KIF5C: variants seen among roughly 807,000 people sequenced by gnomAD.
KIF5C encodes kinesin family member 5C.
KIF5C carries 18 observed loss-of-function variants against 125.2 expected under a neutral mutation model. The observed-to-expected ratio is 0.14, with a 90% CI of 0.10 to 0.21. KIF5C has a LOEUF of 0.21. KIF5C is among the 10% of genes least tolerant of loss of function. The pLI is 1.00. For missense variants in KIF5C, 780 were observed against 1,183.8 expected (o/e 0.66, Z 5.01); for synonymous variants, 405 against 434.0 (o/e 0.93, Z 0.83).
intron 7 of KIF5C, 130 bp downstream of exon 7, chr2:148,942,890 A>G: frequency 6.8e-7 from 1 of 1,479,260 alleles, no homozygotes; most frequent in Non-Finnish European, 9.2e-7. Context: ...CAGTGCTCGG[A>G]CACAGACGCC....
chr2:148,961,917 GT>G, intron 10 of KIF5C, 53 bp from the exon 11 acceptor site: 1 of 1,571,890 alleles, frequency 6.4e-7, no homozygotes, highest in Non-Finnish European at 8.6e-7. Flanking sequence ...AATCATATTG[GT>G]TTAGCTAATG....
intron 1 of KIF5C, chr2:148,884,483 C>A (rs1474149108): frequency 6.6e-6 from 1 of 151,972 alleles, no homozygotes; most frequent in Non-Finnish European, 1.5e-5. Flanking sequence ...AAACATACAC[C>A]AAAGTAGAAA....
intron 11 of KIF5C, among the ~76,000 whole-genome samples, chr2:148,963,994 C>T (rs974097415): frequency 2.0e-5 from 3 of 152,096 alleles, no homozygotes; most frequent in East Asian, 3.9e-4. Flanking sequence ...GAACACCTTG[C>T]GAATCTCCTT....
intron 11 of KIF5C, among the ~76,000 whole-genome samples, chr2:148,968,342 A>G (rs536451703): frequency 6.6e-6 from 1 of 152,344 alleles, no homozygotes; most frequent in East Asian, 1.9e-4. Flanking sequence ...TGGTTCAGTA[A>G]CTAGCTAAAT....
chr2:148,926,965 T>G (rs2105088892), intron 2 of KIF5C, among the ~76,000 whole-genome samples: 1 of 152,218 alleles, frequency 6.6e-6, no homozygotes, highest in African/African-American at 2.4e-5. Flanking sequence ...CTGGTGGGGT[T>G]TTATGTGTTC....
rs1197492797 is a variant in KIF5C at position 148,876,643 on chromosome 2, C to T, written c.126+900C>T. Among the ~76,000 whole-genome samples, 1 of 152,144 alleles carries T rather than the reference C, an allele frequency of 6.6e-6. No homozygotes were observed. The highest frequency in any genetic ancestry group is 6.5e-5 in the Admixed American group (1 of 15,288). ...ACCCCCTCCCCCTACTTAGCTCCCT[C>T]TCTGCAGCTGGGGCTGCTGGTAGGG... On this transcript the variant is annotated intron_variant, in intron 1 of 25. Coordinates refer to ENST00000435030, the MANE Select transcript of KIF5C (RefSeq NM_004522.3). The surrounding 1 kb of genome is among the most constrained non-coding windows in gnomAD (Gnocchi z 4.7).
intron 1 of KIF5C, among the ~76,000 whole-genome samples, chr2:148,891,712 T>A (rs1681711795): frequency 6.6e-6 from 1 of 152,216 alleles, no homozygotes. Flanking sequence ...TTTTTGTTTT[T>A]TTGAGACAGA....
At position 148,981,463 on chromosome 2, in the gene KIF5C, C is replaced by T. The variant is rs1681233630; in HGVS notation, c.1471C>T (p.Leu491=). Residue 491 remains leucine, a synonymous_variant, in exon 14 of 26, where the codon CTG becomes TTG. Coordinates refer to ENST00000435030, the MANE Select transcript of KIF5C (RefSeq NM_004522.3). ...TGAGGTGAAAGAAGTTCTCCAGGCC[C>T]TGGAGGAGCTGGCTGTCAATTATGA... is the stretch of plus-strand genomic sequence containing the variant. ...KDEVKEVLQA[L]EELAVNYDQK... 1 of 1,608,232 alleles carries T rather than the reference C, an allele frequency of 6.2e-7. No homozygotes were observed. The highest frequency in any genetic ancestry group is 1.7e-5 in the Admixed American group (1 of 59,254).
chr2:148,974,003 G>T (rs149843206), intron 12 of KIF5C, among the ~76,000 whole-genome samples: 1 of 152,326 alleles, frequency 6.6e-6, no homozygotes, highest in Non-Finnish European at 1.5e-5. Context: ...CACCTAATTG[G>T]TGAAGCTCTT....
intron 13 of KIF5C, among the ~76,000 whole-genome samples, chr2:148,980,528 T>TAAA (rs760830671): frequency 6.6e-6 from 1 of 151,490 alleles, no homozygotes; most frequent in Non-Finnish European, 1.5e-5. Flanking sequence ...TGATGGATGT[T>TAAA]AAAAAAAAGG....
At chr2:149,006,562 G>T (rs1279183705) in intron 22 of KIF5C, among the ~76,000 whole-genome samples, 1 of 152,226 alleles carries the variant, frequency 6.6e-6, no homozygotes, top group East Asian at 1.9e-4. Flanking sequence ...TGCTATGGAA[G>T]AGTAGAAGGA....
At chr2:148,883,311 C>A (rs1373108375) in intron 1 of KIF5C, among the ~76,000 whole-genome samples, 1 of 152,090 alleles carries the variant, frequency 6.6e-6, no homozygotes, top group Non-Finnish European at 1.5e-5. Flanking sequence ...ACCATCCTGG[C>A]TAACATGGTG....
chr2:148,905,083 T>C (rs1490612125), intron 1 of KIF5C, among the ~76,000 whole-genome samples: 1 of 152,238 alleles, frequency 6.6e-6, no homozygotes, highest in Non-Finnish European at 1.5e-5. Context: ...GTTTTCATTG[T>C]ATCTCTTTTT....
At chr2:149,004,393 A>C (rs1681943085) in intron 21 of KIF5C, among the ~76,000 whole-genome samples, 1 of 152,200 alleles carries the variant, frequency 6.6e-6, no homozygotes, top group Non-Finnish European at 1.5e-5. Context: ...TCTATAGGAA[A>C]ATATTTTGCA....
intron 16 of KIF5C, among the ~76,000 whole-genome samples, chr2:148,993,917 G>A (rs1681596353): frequency 6.6e-6 from 1 of 152,158 alleles, no homozygotes; most frequent in Admixed American, 6.5e-5. Flanking sequence ...TGTGTGGCAT[G>A]TGGTGGGGTG....
At chr2:148,903,669 T>C (rs1466020454) in intron 1 of KIF5C, among the ~76,000 whole-genome samples, 5 of 152,158 alleles carry the variant, frequency 3.3e-5, no homozygotes, top group Admixed American at 1.3e-4. Flanking sequence ...CCTCACAGAA[T>C]CTTATGAGAG....
Position 149,000,474 on chromosome 2 carries a change from C to G in KIF5C, c.2262C>G (p.Asn754Lys). The change falls in exon 20 of 26, where the codon AAC becomes AAG. Residue 754 changes from asparagine to lysine, a missense_variant. By Grantham distance (94) the Asn-to-Lys change is moderately conservative. This residue lies in a region of KIF5C where 573 missense variants were observed against 742.6 expected (regional missense o/e 0.77). Transcript: ENST00000435030. ...LEQEKLSSDY[N>K]KLKIEDQERE... ...AGGAGAAGCTTAGTTCTGATTATAACAAGCTGAAAATAGAGGACCAAGAGA... is the reference window on the plus strand; with the variant it reads ...AGGAGAAGCTTAGTTCTGATTATAAGAAGCTGAAAATAGAGGACCAAGAGA... 1.3e-6 allele frequency: 2 copies of G among 1,584,256 alleles called. No homozygotes were observed. Among genetic ancestry groups the G allele is most frequent in the African/African-American group, 1.3e-5 (1 of 74,578 alleles).
chr2:148,987,779 A>G (rs1211747948), intron 15 of KIF5C, among the ~76,000 whole-genome samples: 1 of 152,156 alleles, frequency 6.6e-6, no homozygotes, highest in Non-Finnish European at 1.5e-5. Context: ...AGGTAGAGTA[A>G]ATGAACTGAA....
rs1321964202 is a variant in KIF5C at position 148,937,304 on chromosome 2, G to C, written c.312G>C (p.Gln104His). The part of the protein sequence containing the change: ...HTMEGKLHDP[Q>H]LMGIIPRIAH... ...ACTAGGGGAAGCTGCATGACCCCCA[G>C]CTCATGGGGATCATCCCACGAATTG... Residue 104 changes from glutamine to histidine, a missense_variant, in exon 4 of 26, where the codon CAG becomes CAC. Coordinates refer to ENST00000435030, the MANE Select transcript of KIF5C (RefSeq NM_004522.3). 4.4e-6 allele frequency: 7 copies of C among 1,598,870 alleles called. No individual in the cohort carries two copies. The highest frequency in any genetic ancestry group is 1.7e-5 in the Admixed American group (1 of 58,250).
Sources: allele counts gnomAD v4.1 joint callset (sites outside exome capture counted in the v4.1 genomes callset), GRCh38; gene constraint gnomAD v4.1.1; regional missense constraint gnomAD v4.1.1; non-coding constraint Gnocchi (gnomAD v3.1); transcripts MANE v1.5; gene names NCBI Gene and HGNC (gene_info 2026-07-23, HGNC 2026-07-21).